KIAA1549L: variants seen among roughly 807,000 people sequenced by gnomAD.
KIAA1549L encodes KIAA1549 like.
A neutral mutation model predicts 160.7 loss-of-function variants in KIAA1549L; 88 were observed. The ratio of observed to expected loss-of-function variants is 0.55; its 90% CI spans 0.46 to 0.65. The LOEUF is 0.65. Among genes scored for constraint, KIAA1549L ranks in the 30% least tolerant of loss-of-function variants. The probability of loss-of-function intolerance (pLI) is 0.00; values close to 1 mark genes in which losing one functional copy is unlikely to be tolerated. For missense variants in KIAA1549L, 2,258 were observed against 2,437.5 expected (o/e 0.93, Z 1.55); for synonymous variants, 950 against 976.7 (o/e 0.97, Z 0.51).
chr11:33,447,647 A>ACACACACACAC (rs1565141326), intron 1 of KIAA1549L, among the ~76,000 whole-genome samples: 2 of 151,204 alleles, frequency 1.3e-5, no homozygotes, highest in Non-Finnish European at 3.0e-5. Context: ...ACACACACAC[A>ACACACACACAC]AAATTTTAGC....
chr11:33,390,048 G>A (rs1192858812), intron 1 of KIAA1549L, among the ~76,000 whole-genome samples: 2 of 152,326 alleles, frequency 1.3e-5, no homozygotes, highest in East Asian at 3.9e-4. Flanking sequence ...TAATACTTTT[G>A]AGCATTTACT....
At chr11:33,624,886 C>A in intron 16 of KIAA1549L, among the ~76,000 whole-genome samples, 1 of 150,430 alleles carries the variant, frequency 6.6e-6, no homozygotes, top group South Asian at 2.2e-4. Context: ...TTAGGTATAT[C>A]TCCCAGTGCT....
chr11:33,446,415 T>C (rs891785408), intron 1 of KIAA1549L, among the ~76,000 whole-genome samples: 1 of 152,074 alleles, frequency 6.6e-6, no homozygotes, highest in Non-Finnish European at 1.5e-5. Flanking sequence ...TTTGTTTTTT[T>C]CCAAAAGTCC....
chr11:33,655,464 ACAAT>A (rs781734023), intron 17 of KIAA1549L, among the ~76,000 whole-genome samples: 1 of 152,216 alleles, frequency 6.6e-6, no homozygotes, highest in African/African-American at 2.4e-5. Context: ...AAAGTAAAAC[ACAAT>A]CAATGATTCA....
At chr11:33,656,457 A>C (rs1402985136) in intron 18 of KIAA1549L, among the ~76,000 whole-genome samples, 1 of 152,190 alleles carries the variant, frequency 6.6e-6, no homozygotes, top group Non-Finnish European at 1.5e-5. Flanking sequence ...TGGTTATTTA[A>C]GGGTGGTGTC....
In KIAA1549L at chr11:33,490,508, A is replaced by G. The variant is rs537453255; in HGVS notation, c.239-51294A>G. ...CTAGCTATGTTTTTGCATTTTTAGT[A>G]GAGATGAGGTTTCACCGTGTTGCTT... is the stretch of plus-strand genomic sequence containing the variant. On this transcript the variant is annotated intron_variant, in intron 1 of 20. Coordinates refer to ENST00000658780, the MANE Select transcript of KIAA1549L (RefSeq NM_012194.3). Among the ~76,000 whole-genome samples the G allele has an allele frequency of 7.9e-5, 12 of 152,100 alleles. No individual in the cohort carries two copies. The South Asian group carries it at 2.3e-3, about 29-fold the overall frequency.
intron 9 of KIAA1549L, among the ~76,000 whole-genome samples, chr11:33,573,598 T>C (rs1259271807): frequency 6.6e-6 from 1 of 152,198 alleles, no homozygotes; most frequent in Non-Finnish European, 1.5e-5. Context: ...TTAGTCTTTT[T>C]ACTGTTATAA....
intron 11 of KIAA1549L, among the ~76,000 whole-genome samples, chr11:33,587,653 G>C (rs1436210803): frequency 1.3e-5 from 2 of 152,194 alleles, no homozygotes; most frequent in African/African-American, 4.8e-5. Flanking sequence ...AACCTTTTAA[G>C]CTTGGAATTC....
intron 17 of KIAA1549L, among the ~76,000 whole-genome samples, 198 bp downstream of exon 17, chr11:33,646,234 C>T (rs1001574104): frequency 2.9e-4 from 44 of 152,328 alleles, no homozygotes; most frequent in Admixed American, 2.7e-3. Flanking sequence ...GGACAATGCA[C>T]GTGAGAATCC....
rs1008648381 is a variant in KIAA1549L at position 33,589,066 on chromosome 11, A to T, written c.4567-2171A>T. On this transcript the variant is annotated intron_variant, in intron 11 of 20. Transcript: ENST00000658780. ...GGCTAAATTAGCTGCTGAAATTTAC[A>T]AGAAAAAAACAACCCTATCAAAAAG... 2.0e-5 allele frequency among the ~76,000 whole-genome samples: 3 copies of T among 152,206 alleles called. No homozygotes were observed. In the East Asian group the frequency reaches 5.8e-4, roughly 29 times the overall value.
At chr11:33,438,949 CAG>C (rs1565137298) in intron 1 of KIAA1549L, among the ~76,000 whole-genome samples, 3 of 151,294 alleles carry the variant, frequency 2.0e-5, no homozygotes, top group Middle Eastern at 3.2e-3. Flanking sequence ...TTTTCTGAGA[CAG>C]AGTCTTGCTC....
chr11:33,624,773 T>C (rs1192239256), intron 16 of KIAA1549L, among the ~76,000 whole-genome samples: 1 of 151,898 alleles, frequency 6.6e-6, no homozygotes, highest in East Asian at 1.9e-4. Flanking sequence ...TTATTATTAT[T>C]ATACTTTAAG....
At chr11:33,429,058 G>T (rs1301238447) in intron 1 of KIAA1549L, among the ~76,000 whole-genome samples, 1 of 152,054 alleles carries the variant, frequency 6.6e-6, no homozygotes, top group African/African-American at 2.4e-5. Context: ...TGCAACCTCC[G>T]CCTCCCAGGT....
chr11:33,476,625 T>A (rs1273832558), intron 1 of KIAA1549L, among the ~76,000 whole-genome samples: 1 of 152,202 alleles, frequency 6.6e-6, no homozygotes, highest in Non-Finnish European at 1.5e-5. Flanking sequence ...ACACTTCAGC[T>A]GCTATCCCTG....
At chr11:33,593,293 G>T (rs987360446) in intron 12 of KIAA1549L, among the ~76,000 whole-genome samples, 1 of 152,140 alleles carries the variant, frequency 6.6e-6, no homozygotes, top group African/African-American at 2.4e-5. Context: ...AAAAATATTA[G>T]CCAGGTGCAG....
intron 1 of KIAA1549L, among the ~76,000 whole-genome samples, chr11:33,408,188 T>A (rs1850707082): frequency 6.6e-6 from 1 of 152,212 alleles, no homozygotes; most frequent in South Asian, 2.1e-4. Context: ...TCTTTTGTAG[T>A]ACCTTCTTTT....
intron 1 of KIAA1549L, among the ~76,000 whole-genome samples, chr11:33,540,299 A>C (rs1468128760): frequency 5.9e-5 from 9 of 152,250 alleles, no homozygotes; most frequent in African/African-American, 2.2e-4. Flanking sequence ...AGTTGGACTC[A>C]TGGTTGAATC....
At chr11:33,550,021 A>C (rs908251306) in intron 4 of KIAA1549L, among the ~76,000 whole-genome samples, 1 of 144,868 alleles carries the variant, frequency 6.9e-6, no homozygotes, top group African/African-American at 2.7e-5. Flanking sequence ...AAAAAACAAA[A>C]AAAACAAACA....
intron 1 of KIAA1549L, among the ~76,000 whole-genome samples, chr11:33,490,180 T>C (rs145364404): frequency 6.6e-6 from 1 of 152,318 alleles, no homozygotes; most frequent in African/African-American, 2.4e-5. Context: ...CCCATTTTGC[T>C]ATTAATAGTA....
Sources: allele counts gnomAD v4.1 joint callset (sites outside exome capture counted in the v4.1 genomes callset), GRCh38; gene constraint gnomAD v4.1.1; transcripts MANE v1.5; gene names NCBI Gene and HGNC (gene_info 2026-07-23, HGNC 2026-07-21).